The following CSMD1 variants were observed in gnomAD, a reference collection of about 807,000 sequenced individuals.
The protein encoded by CSMD1 is CUB and sushi domain-containing protein 1.
CSMD1 carries 213 observed loss-of-function variants against 417.5 expected under a neutral mutation model. The ratio of observed to expected loss-of-function variants is 0.51; its 90% CI spans 0.46 to 0.57. CSMD1 has a LOEUF of 0.57. Among genes scored for constraint, CSMD1 ranks in the 20% least tolerant of loss-of-function variants. The pLI, the probability that CSMD1 is intolerant of heterozygous loss-of-function variation, is 0.00. For missense variants in CSMD1, 6,923 were observed against 4,529.7 expected (o/e 1.53, Z -15.17); for synonymous variants, 2,862 against 1,736.8 (o/e 1.65, Z -16.11).
chr8:3,225,882 A>T (rs553188137), intron 27 of CSMD1, among the ~76,000 whole-genome samples: 1 of 152,340 alleles, frequency 6.6e-6, no homozygotes, highest in African/African-American at 2.4e-5. Flanking sequence ...AATAGTAAAA[A>T]ATGCAACTCA....
At chr8:2,981,863 A>G (rs1805452347) in intron 54 of CSMD1, among the ~76,000 whole-genome samples, 1 of 152,230 alleles carries the variant, frequency 6.6e-6, no homozygotes, top group East Asian at 1.9e-4. Context: ...TGTCTGGTAT[A>G]GCATAATAAT....
chr8:4,932,631 T>G (rs1467143499), intron 1 of CSMD1, among the ~76,000 whole-genome samples: 1 of 152,190 alleles, frequency 6.6e-6, no homozygotes, highest in Non-Finnish European at 1.5e-5. Context: ...AGTTGACGTG[T>G]TTCTATGCAC....
At position 3,997,928 on chromosome 8, in the gene CSMD1, T is replaced by C. The variant is rs372083600; in HGVS notation, c.793A>G (p.Ser265Gly). The C allele has an allele frequency of 1.9e-6, 3 of 1,612,458 alleles. No homozygotes were observed. The highest frequency in any genetic ancestry group is 1.3e-5 in the African/African-American group (1 of 75,040). Reference sequence around the variant, plus strand: ...CATATGGATGGAGCTTCCGTGCCACTGATCTCTAAGAAATCATATCCTTCT... The same window carrying C: ...CATATGGATGGAGCTTCCGTGCCACCGATCTCTAAGAAATCATATCCTTCT... ...LEEGYDFLEISGTEAPSIWLT... is the reference protein window; with the variant it reads ...LEEGYDFLEIGGTEAPSIWLT... The change falls in exon 5 of 70, where the codon AGT becomes GGT. Residue 265 changes from serine (S) to glycine (G), a missense_variant. Ser to Gly is a moderately conservative substitution (Grantham distance 56). Transcript: ENST00000635120.
At chr8:3,742,539 C>T (rs1460387477) in intron 6 of CSMD1, among the ~76,000 whole-genome samples, 2 of 152,054 alleles carry the variant, frequency 1.3e-5, no homozygotes, top group Non-Finnish European at 2.9e-5. Context: ...TAAAATAAAC[C>T]TGCCTGTGGA....
At chr8:2,975,995 C>G (rs1166382839) in intron 55 of CSMD1, among the ~76,000 whole-genome samples, 1 of 152,148 alleles carries the variant, frequency 6.6e-6, no homozygotes, top group African/African-American at 2.4e-5. Context: ...CAAAACTAAA[C>G]CAATTTCTAT....
At chr8:3,819,014 C>G (rs774346675) in intron 5 of CSMD1, among the ~76,000 whole-genome samples, 3 of 152,186 alleles carry the variant, frequency 2.0e-5, no homozygotes, top group Admixed American at 6.5e-5. Flanking sequence ...TTATCACTCT[C>G]TTTTGACATC....
intron 1 of CSMD1, among the ~76,000 whole-genome samples, chr8:4,804,844 A>C (rs1200815036): frequency 6.6e-6 from 1 of 152,242 alleles, no homozygotes; most frequent in Non-Finnish European, 1.5e-5. Context: ...TAACAAATAC[A>C]GACATGGCTC....
chr8:3,902,790 C>T (rs962916655), intron 5 of CSMD1, among the ~76,000 whole-genome samples: 3 of 152,100 alleles, frequency 2.0e-5, no homozygotes, highest in African/African-American at 7.2e-5. Flanking sequence ...GTCTACTTTG[C>T]AACATTTTAT....
chr8:4,309,948 A>G (rs1002356160), intron 3 of CSMD1, among the ~76,000 whole-genome samples: 7 of 152,300 alleles, frequency 4.6e-5, no homozygotes, highest in Admixed American at 4.6e-4. Context: ...AGTCGATTAT[A>G]GTTACCCCTA....
intron 3 of CSMD1, among the ~76,000 whole-genome samples, chr8:4,221,439 G>C (rs1157143964): frequency 1.3e-5 from 2 of 151,126 alleles, no homozygotes; most frequent in African/African-American, 4.9e-5. Flanking sequence ...TGGGTTAACA[G>C]ACAACTGGAA....
At chr8:4,818,514 G>A (rs868831681) in intron 1 of CSMD1, among the ~76,000 whole-genome samples, 10 of 152,026 alleles carry the variant, frequency 6.6e-5, no homozygotes, top group Admixed American at 3.3e-4. Flanking sequence ...AAATACATAC[G>A]TATTAAGAAT....
chr8:4,273,835 G>T (rs143373236), intron 3 of CSMD1, among the ~76,000 whole-genome samples: 65 of 152,256 alleles, frequency 4.3e-4, no homozygotes, highest in African/African-American at 1.5e-3. Flanking sequence ...CCAAATGGTT[G>T]TGAAGGTGAA....
chr8:4,576,646 T>C (rs7843036), intron 2 of CSMD1, among the ~76,000 whole-genome samples: 29,161 of 152,030 alleles, frequency 0.19, 2,884 homozygotes, highest in Middle Eastern at 0.21. Flanking sequence ...ATAAATATTT[T>C]TGGATACATG....
At chr8:4,980,600 T>G (rs963533272) in intron 1 of CSMD1, among the ~76,000 whole-genome samples, 1 of 152,278 alleles carries the variant, frequency 6.6e-6, no homozygotes, top group South Asian at 2.1e-4. Context: ...GAAGGTCACT[T>G]TGAATTCAAA....
intron 4 of CSMD1, among the ~76,000 whole-genome samples, chr8:4,021,255 C>T (rs1040867461): frequency 6.6e-5 from 10 of 152,220 alleles, no homozygotes; most frequent in African/African-American, 1.7e-4. Flanking sequence ...ACTTCACTTA[C>T]AGTTTACATT....
intron 5 of CSMD1, among the ~76,000 whole-genome samples, chr8:3,854,263 C>G (rs999823625): frequency 2.0e-5 from 3 of 150,790 alleles, no homozygotes; most frequent in African/African-American, 7.3e-5. Flanking sequence ...ACATTTAACT[C>G]CAAAATATGA....
intron 1 of CSMD1, among the ~76,000 whole-genome samples, chr8:4,798,820 T>C (rs1798122480): frequency 6.6e-6 from 1 of 152,206 alleles, no homozygotes; most frequent in African/African-American, 2.4e-5. Flanking sequence ...AATAATCATT[T>C]TGGCTGCCTA....
intron 5 of CSMD1, among the ~76,000 whole-genome samples, chr8:3,892,289 A>G (rs1022490811): frequency 5.3e-5 from 8 of 152,214 alleles, no homozygotes; most frequent in Admixed American, 5.2e-4. Flanking sequence ...ACAACTACAC[A>G]TCACTCAACG....
intron 3 of CSMD1, among the ~76,000 whole-genome samples, chr8:4,358,675 A>C (rs949291369): frequency 1.3e-5 from 2 of 152,236 alleles, no homozygotes; most frequent in Admixed American, 6.5e-5. Flanking sequence ...GGTATTTTGC[A>C]TACTTTTTCT....
Sources: allele counts gnomAD v4.1 joint callset (sites outside exome capture counted in the v4.1 genomes callset), GRCh38; gene constraint gnomAD v4.1.1; transcripts MANE v1.5; gene names NCBI Gene and HGNC (gene_info 2026-07-23, HGNC 2026-07-21).